ADK: variants seen among roughly 807,000 people sequenced by gnomAD.
The protein encoded by ADK is adenosine kinase.
A neutral mutation model predicts 44.7 loss-of-function variants in ADK; 24 were observed. That is an observed-to-expected ratio of 0.54 (90% CI 0.39 to 0.76). The LOEUF (loss-of-function observed/expected upper bound fraction) is 0.76, where lower values mean the gene tolerates loss of function less well. ADK is among the 30% of genes least tolerant of loss of function. The pLI is 0.00. For synonymous variants in ADK, 128 were observed against 142.6 expected (o/e 0.90, Z 0.73); for missense variants, 321 against 425.1 (o/e 0.76, Z 2.15).
chr10:74,470,609 C>T (rs996847221), intron 6 of ADK, among the ~76,000 whole-genome samples: 2 of 21,298 alleles, frequency 9.4e-5, no homozygotes, highest in Admixed American at 4.7e-4. Context: ...AATATCTATT[C>T]AAGCCCTTTG....
chr10:74,291,260 A>G lies in ADK; in HGVS notation c.195-23407A>G, dbSNP rs188524537. Among the ~76,000 whole-genome samples, 47 of 152,230 alleles carry G rather than the reference A, an allele frequency of 3.1e-4. 1 individual carries two copies. Among genetic ancestry groups the G allele is most frequent in the Non-Finnish European group, 4.1e-4 (28 of 68,022 alleles). ...TGAAACCCTGTCTCTAATAAAAAATACAAAAAATTAGCCGGGTGTGGTGGC... is the reference window on the plus strand; with the variant it reads ...TGAAACCCTGTCTCTAATAAAAAATGCAAAAAATTAGCCGGGTGTGGTGGC... On this transcript the variant is annotated intron_variant, in intron 3 of 10. Coordinates refer to ENST00000539909, the MANE Select transcript of ADK (RefSeq NM_006721.4).
chr10:74,155,349 C>T (rs1271615535), intron 1 of ADK, among the ~76,000 whole-genome samples: 1 of 152,028 alleles, frequency 6.6e-6, no homozygotes, highest in Non-Finnish European at 1.5e-5. Context: ...ACTAGCTGGA[C>T]ATGGTGGCAT....
At chr10:74,328,467 C>T (rs756642079) in intron 4 of ADK, among the ~76,000 whole-genome samples, 1 of 152,086 alleles carries the variant, frequency 6.6e-6, no homozygotes, top group Admixed American at 6.6e-5. Flanking sequence ...GCACCATTTC[C>T]CTTACTGTCT....
At chr10:74,201,730 A>G (rs931413747) in intron 2 of ADK, among the ~76,000 whole-genome samples, 1 of 142,412 alleles carries the variant, frequency 7.0e-6, no homozygotes, top group African/African-American at 2.6e-5. Context: ...CTATCTATCT[A>G]TATATGGTTC....
At chr10:74,539,491 T>C (rs1313701866) in intron 7 of ADK, among the ~76,000 whole-genome samples, 1 of 152,208 alleles carries the variant, frequency 6.6e-6, no homozygotes, top group African/African-American at 2.4e-5. Flanking sequence ...ATGGTAACTC[T>C]GCCCTTTAAA....
At chr10:74,356,269 C>T (rs375874325) in intron 4 of ADK, among the ~76,000 whole-genome samples, 2 of 151,718 alleles carry the variant, frequency 1.3e-5, no homozygotes, top group East Asian at 3.9e-4. Context: ...CCACCCGCCT[C>T]GGCCTCCCAA....
At chr10:74,680,799 C>G (rs780278439) in intron 10 of ADK, among the ~76,000 whole-genome samples, 60 of 152,210 alleles carry the variant, frequency 3.9e-4, no homozygotes, top group Non-Finnish European at 6.3e-4. Context: ...CAGCTACTCT[C>G]TCTTCAGATA....
chr10:74,414,286 G>A (rs1347403467), intron 6 of ADK, among the ~76,000 whole-genome samples: 2 of 152,118 alleles, frequency 1.3e-5, no homozygotes, highest in Non-Finnish European at 2.9e-5. Context: ...ACTTAATTAT[G>A]CTATTTCTTA....
At chr10:74,658,198 A>T (rs897864835) in intron 9 of ADK, among the ~76,000 whole-genome samples, 1 of 152,208 alleles carries the variant, frequency 6.6e-6, no homozygotes, top group Non-Finnish European at 1.5e-5. Flanking sequence ...TATTCATCAT[A>T]TATTTATTGA....
intron 7 of ADK, among the ~76,000 whole-genome samples, chr10:74,565,727 C>CAAAAAAAA (rs398014155): frequency 3.2e-5 from 2 of 63,378 alleles, no homozygotes; most frequent in African/African-American, 5.5e-5. Context: ...AACTCCGTCT[C>CAAAAAAAA]AAAAAAAAAA....
At chr10:74,185,814 G>T (rs1424261478) in intron 1 of ADK, among the ~76,000 whole-genome samples, 1 of 146,206 alleles carries the variant, frequency 6.8e-6, no homozygotes, top group African/African-American at 2.5e-5. Flanking sequence ...TGCAGCCTGG[G>T]CGACAAAGCG....
chr10:74,201,644 A>G (rs999295342), intron 2 of ADK, among the ~76,000 whole-genome samples: 3 of 89,708 alleles, frequency 3.3e-5, no homozygotes, highest in East Asian at 2.4e-4. Flanking sequence ...GTGTGTGTGT[A>G]TATGTATGTA....
intron 5 of ADK, among the ~76,000 whole-genome samples, chr10:74,396,331 T>C (rs1361311122): frequency 6.6e-6 from 1 of 151,626 alleles, no homozygotes; most frequent in Admixed American, 6.6e-5. Context: ...CTCAGGAGTT[T>C]AAGGCCAGCC....
chr10:74,173,800 G>C (rs112952038), intron 1 of ADK, among the ~76,000 whole-genome samples: 10 of 152,136 alleles, frequency 6.6e-5, no homozygotes, highest in Non-Finnish European at 1.3e-4. Context: ...GAGCAAAAGT[G>C]CATTTGATTG....
At chr10:74,156,658 G>A (rs1277947300) in intron 1 of ADK, among the ~76,000 whole-genome samples, 2 of 152,178 alleles carry the variant, frequency 1.3e-5, no homozygotes, top group Non-Finnish European at 1.5e-5. Context: ...GAGCATTCTG[G>A]TCAGAATGGA....
chr10:74,558,529 G>C (rs1850346069), intron 7 of ADK, among the ~76,000 whole-genome samples: 1 of 152,188 alleles, frequency 6.6e-6, no homozygotes, highest in South Asian at 2.1e-4. Context: ...CGTGCTCTCT[G>C]TCTCTCCTAC....
At chr10:74,611,884 A>C (rs187874767) in intron 9 of ADK, among the ~76,000 whole-genome samples, 26 of 152,294 alleles carry the variant, frequency 1.7e-4, no homozygotes, top group Middle Eastern at 3.4e-3. Context: ...GTTGATGGAC[A>C]CTTAGGTTGA....
At chr10:74,324,615 A>G (rs1194867970) in intron 4 of ADK, among the ~76,000 whole-genome samples, 1 of 152,158 alleles carries the variant, frequency 6.6e-6, no homozygotes, top group African/African-American at 2.4e-5. Context: ...ATAGTATTCC[A>G]TTGTGTATAT....
At chr10:74,303,128 C>T (rs1249989437) in intron 3 of ADK, among the ~76,000 whole-genome samples, 1 of 152,030 alleles carries the variant, frequency 6.6e-6, no homozygotes, top group Non-Finnish European at 1.5e-5. Flanking sequence ...ATATTTATAA[C>T]CTGTTCAGAA....
Sources: allele counts gnomAD v4.1 joint callset (sites outside exome capture counted in the v4.1 genomes callset), GRCh38; gene constraint gnomAD v4.1.1; transcripts MANE v1.5; gene names NCBI Gene and HGNC (gene_info 2026-07-23, HGNC 2026-07-21).